Variants in AKR1B15 observed in about 807,000 individuals in gnomAD.
AKR1B15 encodes the protein estradiol 17-beta-dehydrogenase AKR1B15.
In AKR1B15, 49 loss-of-function variants were observed where a neutral mutation model predicts 38.5. The ratio of observed to expected loss-of-function variants is 1.27; its 90% CI spans 1.01 to 1.62. The LOEUF is 1.62. AKR1B15 is among the 40% of genes most tolerant of loss of function. The pLI, the probability that AKR1B15 is intolerant of heterozygous loss-of-function variation, is 0.00. For missense variants in AKR1B15, 411 were observed against 381.6 expected (o/e 1.08, Z -0.64); for synonymous variants, 137 against 135.5 (o/e 1.01, Z -0.08).
intron 2 of AKR1B15, among the ~76,000 whole-genome samples, chr7:134,558,570 G>C (rs1794281706): frequency 6.6e-6 from 1 of 152,164 alleles, no homozygotes; most frequent in African/African-American, 2.4e-5. Context: ...GAAGAGTAGA[G>C]TGGATGAATC....
At position 134,556,822 on chromosome 7, in the gene AKR1B15, T is replaced by C. The variant is rs1008857204; in HGVS notation, c.-60T>C. On this transcript the variant is annotated 5_prime_UTR_variant, in exon 2 of 12. Coordinates refer to ENST00000457545, the MANE Select transcript of AKR1B15 (RefSeq NM_001080538.3). ...GCAGCTATTGGCACGACTGCCCTGA[T>C]TCAAGGAGAAACTGGACTAATATCA... is the stretch of plus-strand genomic sequence containing the variant. 1 of 152,186 alleles carries C rather than the reference T, an allele frequency of 6.6e-6. No homozygotes were observed. The highest frequency in any genetic ancestry group is 2.1e-4 in the South Asian group (1 of 4,834). 9.4% of individuals were successfully genotyped at this position (152,186 alleles called of 1,614,324 possible). A position where few individuals can be genotyped will look rare whatever the true frequency, so the allele number is the denominator to read the frequency against.
In AKR1B15 at chr7:134,556,604, CCTCA is replaced by C. The variant is rs1248793915; in HGVS notation, c.-146-128_-146-125del. On this transcript the variant is annotated intron_variant, in intron 1 of 11. Transcript: ENST00000457545. ...ATACCTGGTTGGCCTGCATTTCAGGCCTCACTCGCTGCATCAATGGGACTGAACC... is the reference window on the plus strand; with the variant it reads ...ATACCTGGTTGGCCTGCATTTCAGGCCTCGCTGCATCAATGGGACTGAACC... 2.6e-5 allele frequency: 4 copies of C among 152,332 alleles called. 1 individual carries two copies. The highest frequency in any genetic ancestry group is 9.6e-5 in the African/African-American group (4 of 41,542). The allele number at this position is 152,332 out of a possible 1,614,324, so 9.4% of individuals were successfully genotyped here. A position where few individuals can be genotyped will look rare whatever the true frequency, so the allele number is the denominator to read the frequency against.
chr7:134,576,979 A>G lies in AKR1B15; in HGVS notation c.842A>G (p.His281Arg), dbSNP rs771283527. The change falls in exon 10 of 12, where the codon CAT becomes CGT. Residue 281 changes from histidine (H) to arginine (R), a missense_variant. Physicochemically the swap from His to Arg is conservative, Grantham distance 29 (BLOSUM62 0). Transcript: ENST00000457545. ...TCTGCACAGGTTCTGATCCGTTTCCATATCCAGAGGAATGTGACAGTGATC... is the reference window on the plus strand; with the variant it reads ...TCTGCACAGGTTCTGATCCGTTTCCGTATCCAGAGGAATGTGACAGTGATC... The part of the protein sequence containing the change: ...KTTAQVLIRF[H>R]IQRNVTVIPK... 4.3e-6 allele frequency: 7 copies of G among 1,613,768 alleles called. No individual in the cohort carries two copies. The South Asian group carries it at 4.4e-5, about 10-fold the overall frequency.
chr7:134,561,421 A>G (rs1794387492), intron 2 of AKR1B15, among the ~76,000 whole-genome samples: 2 of 152,270 alleles, frequency 1.3e-5, no homozygotes, highest in South Asian at 4.2e-4. Context: ...TGGCCAGGCT[A>G]GTTTCAAACA....
intron 2 of AKR1B15, among the ~76,000 whole-genome samples, chr7:134,558,071 GGGA>G (rs1794264477): frequency 3.9e-5 from 6 of 152,134 alleles, no homozygotes; most frequent in Admixed American, 3.9e-4. Context: ...CCTCTCATGA[GGGA>G]AGTCTTGTCT....
rs1794842104 is a variant in AKR1B15, at chr7:134,579,699, C to T, written c.*150C>T. ...ACCAGAATGGAGGTGCTGTTTTAGA[C>T]ATGTATTTCTGTATGTTCAACTAGG... On this transcript the variant is annotated 3_prime_UTR_variant, in exon 12 of 12. Transcript: ENST00000457545. The T allele has an allele frequency of 1.6e-6, 1 of 617,460 alleles. No homozygotes were observed. The allele number at this position is 617,460 out of a possible 1,614,324, so 38.2% of individuals were successfully genotyped here. A position where few individuals can be genotyped will look rare whatever the true frequency, so the allele number is the denominator to read the frequency against.
chr7:134,578,000 A>G (rs1794802464), intron 11 of AKR1B15, among the ~76,000 whole-genome samples: 1 of 152,178 alleles, frequency 6.6e-6, no homozygotes, highest in Non-Finnish European at 1.5e-5. Context: ...ATGTAGAGCT[A>G]GAATTGTAAG....
Position 134,569,589 on chromosome 7 carries a change from C to G in AKR1B15, c.435+60C>G, listed in dbSNP as rs1794622655. ...TGAGCTGTTGCAGGAATTCAGGGAC[C>G]CCCAACAGAGAGACTGGCTGAAGCC... On this transcript the variant is annotated intron_variant, in intron 5 of 11. Coordinates refer to ENST00000457545, the MANE Select transcript of AKR1B15 (RefSeq NM_001080538.3). The G allele has an allele frequency of 1.9e-6, 3 of 1,571,978 alleles. No individual in the cohort carries two copies. In the Admixed American group the frequency reaches 5.0e-5, roughly 26 times the overall value.
intron 6 of AKR1B15, among the ~76,000 whole-genome samples, chr7:134,574,139 C>T (rs1200231934): frequency 6.6e-6 from 1 of 152,168 alleles, no homozygotes; most frequent in Non-Finnish European, 1.5e-5. Flanking sequence ...AAGCAATCCT[C>T]CTGTCTCAGC....
chr7:134,573,312 T>G, intron 6 of AKR1B15: 19 of 953,256 alleles, frequency 2.0e-5, no homozygotes, highest in East Asian at 1.2e-4. Context: ...ATTACAGGCG[T>G]GAGCTATAGC....
At chr7:134,579,477 G>GTTTT in intron 11 of AKR1B15, 30 bp from the exon 12 acceptor site, 2 of 1,518,268 alleles carry the variant, frequency 1.3e-6, no homozygotes, top group African/African-American at 1.6e-5. Context: ...ATGGAACACA[G>GTTTT]TTTCTTTTTT....
chr7:134,569,564 T>G (rs1794622053), intron 5 of AKR1B15, 35 bp downstream of exon 5: 1 of 1,610,070 alleles, frequency 6.2e-7, no homozygotes, highest in Admixed American at 1.7e-5. Context: ...CTCTAGTTTC[T>G]GAGCTGTTGC....
chr7:134,551,180 C>G (rs1338068729), intron 1 of AKR1B15, among the ~76,000 whole-genome samples: 1 of 152,152 alleles, frequency 6.6e-6, no homozygotes, highest in Non-Finnish European at 1.5e-5. Flanking sequence ...CCTCCTCCCC[C>G]AGAATCTTCC....
intron 3 of AKR1B15, among the ~76,000 whole-genome samples, chr7:134,566,067 G>A (rs905819773): frequency 3.9e-5 from 6 of 152,196 alleles, no homozygotes; most frequent in Non-Finnish European, 2.9e-5. Context: ...ATCCAGACGA[G>A]AGGACTGCTT....
rs567278725 is a variant in AKR1B15, at chr7:134,556,270, C to T, written c.-146-466C>T. On this transcript the variant is annotated intron_variant, in intron 1 of 11. Coordinates refer to ENST00000457545, the MANE Select transcript of AKR1B15 (RefSeq NM_001080538.3). ...CAATGACAATACCTCCAACCCAGCC[C>T]GATGTCCATTTTGGACGGGATACAT... 9.2e-5 allele frequency among the ~76,000 whole-genome samples: 14 copies of T among 152,278 alleles called. No individual in the cohort carries two copies. In the East Asian group the frequency reaches 1.4e-3, roughly 15 times the overall value.
chr7:134,552,448 C>T (rs10267534), intron 1 of AKR1B15, among the ~76,000 whole-genome samples: 2,364 of 152,214 alleles, frequency 0.016, 61 homozygotes, highest in African/African-American at 0.053. Flanking sequence ...ACCACCCTGC[C>T]GGTCCAGGTC....
At chr7:134,568,420 C>T (rs565958318) in intron 4 of AKR1B15, 95 bp downstream of exon 4, 40 of 1,520,450 alleles carry the variant, frequency 2.6e-5, no homozygotes, top group African/African-American at 4.1e-5. Context: ...GCCTTTTCTA[C>T]GTGTACCCGT....
At chr7:134,562,401 A>G (rs1794422083) in intron 2 of AKR1B15, among the ~76,000 whole-genome samples, 1 of 150,780 alleles carries the variant, frequency 6.6e-6, no homozygotes, top group African/African-American at 2.4e-5. Context: ...CTTCCTGTTG[A>G]TTGGTCCATT....
At position 134,575,542 on chromosome 7, in the gene AKR1B15, G is replaced by A. The variant is rs763806992; in HGVS notation, c.636G>A (p.Gln212=). The change falls in exon 7 of 12, where the codon CAG becomes CAA. Residue 212 remains glutamine (Q), a splice_region_variant and synonymous_variant. Coordinates refer to ENST00000457545, the MANE Select transcript of AKR1B15 (RefSeq NM_001080538.3). The part of the protein sequence containing the change: ...PGLKYKPVTN[Q]VECHPYLTQE... ...TGAAATATAAACCAGTGACTAACCA[G>A]GTAAATTCTATTCAGTTTAAGGGTA... The A allele has an allele frequency of 4.0e-5, 65 of 1,613,632 alleles. No individual in the cohort carries two copies. The highest frequency in any genetic ancestry group is 5.3e-5 in the Non-Finnish European group (63 of 1,179,778).
Sources: allele counts gnomAD v4.1 joint callset (sites outside exome capture counted in the v4.1 genomes callset), GRCh38; gene constraint gnomAD v4.1.1; transcripts MANE v1.5; gene names NCBI Gene and HGNC (gene_info 2026-07-23, HGNC 2026-07-21).